Variants in MTFMT observed in about 807,000 individuals in gnomAD.
MTFMT encodes the protein mitochondrial methionyl-tRNA formyltransferase.
MTFMT carries 47 observed loss-of-function variants against 51.8 expected under a neutral mutation model. The ratio of observed to expected loss-of-function variants is 0.91; its 90% confidence interval spans 0.72 to 1.16. The LOEUF is 1.16. Ranked by LOEUF, MTFMT falls within the 50% of genes most tolerant of loss-of-function variation. The pLI, the probability that MTFMT is intolerant of heterozygous loss-of-function variation, is 0.00. For missense variants in MTFMT, 512 were observed against 482.3 expected, an observed-to-expected ratio of 1.06 and a Z score of -0.58; for synonymous variants, 196 against 176.7, an observed-to-expected ratio of 1.11 and a Z score of -0.87.
chr15:65,020,990 T>G (rs1043354410), intron 4 of MTFMT, among the ~76,000 whole-genome samples: 1 of 152,230 alleles, frequency 6.6e-6, no homozygotes, highest in African/African-American at 2.4e-5. Flanking sequence ...CCCGTTCATA[T>G]GGAAAACATA....
intron 6 of MTFMT, among the ~76,000 whole-genome samples, chr15:65,009,674 A>T (rs1482587973): frequency 1.0e-5 from 1 of 99,252 alleles, no homozygotes; most frequent in Non-Finnish European, 2.0e-5. Flanking sequence ...TTTTTTAAAG[A>T]CCGGATCTTG....
Position 65,020,182 on chromosome 15 carries a change from G to A in MTFMT, c.721+15C>T. On this transcript the variant is annotated intron_variant, in intron 5 of 8. Coordinates refer to ENST00000220058, the MANE Select transcript of MTFMT (RefSeq NM_139242.4). ...AACCTTTAGAAAGATGAGAGTCTCT[G>A]CAGCCTTCACTCACCGTAAGTCGCC... The A allele has an allele frequency of 3.1e-6, 5 of 1,607,346 alleles. No homozygotes were observed. The highest frequency in any genetic ancestry group is 3.4e-6 in the Non-Finnish European group (4 of 1,176,720).
At chr15:65,014,188 C>T (rs1247928112) in intron 6 of MTFMT, among the ~76,000 whole-genome samples, 1 of 152,130 alleles carries the variant, frequency 6.6e-6, no homozygotes, top group East Asian at 1.9e-4. Context: ...GCATGGCTGG[C>T]TCCTTATTGT....
At chr15:65,005,813 A>C (rs1880612165) in intron 7 of MTFMT, among the ~76,000 whole-genome samples, 1 of 152,092 alleles carries the variant, frequency 6.6e-6, no homozygotes, top group Non-Finnish European at 1.5e-5. Context: ...TCACCATGTC[A>C]GTCAGGCTAG....
At position 65,002,328 on chromosome 15, in the gene MTFMT, G is replaced by C. The variant is rs950959851; in HGVS notation, c.*734C>G. The stretch of plus-strand genomic sequence containing the variant: ...TGAGGCAGGAGAATGGTGTGAACCC[G>C]GGAGGTGGAGCTTGCAGTGAGCTGA... On this transcript the variant is annotated 3_prime_UTR_variant, in exon 9 of 9. Coordinates refer to ENST00000220058, the MANE Select transcript of MTFMT (RefSeq NM_139242.4). The C allele has an allele frequency of 1.3e-5, 2 of 151,950 alleles. No individual in the cohort carries two copies. The highest frequency in any genetic ancestry group is 2.9e-5 in the Non-Finnish European group (2 of 67,992). 9.4% of individuals were successfully genotyped at this position (151,950 alleles called of 1,614,324 possible). A position where few individuals can be genotyped will look rare whatever the true frequency, so the allele number is the denominator to read the frequency against.
chr15:65,014,745 A>G (rs945533602), intron 6 of MTFMT, among the ~76,000 whole-genome samples: 2 of 150,072 alleles, frequency 1.3e-5, no homozygotes, highest in Non-Finnish European at 2.9e-5. Context: ...TTCTTGCCTC[A>G]GCCTTTCTAG....
intron 2 of MTFMT, 56 bp downstream of exon 2, chr15:65,026,775 G>T (rs1385557515): frequency 4.6e-6 from 6 of 1,296,806 alleles, no homozygotes; most frequent in Non-Finnish European, 5.4e-6. Flanking sequence ...TATATACAAG[G>T]TCCATTTATA....
chr15:65,023,041 CTT>C (rs200417323), intron 3 of MTFMT, among the ~76,000 whole-genome samples: 1,956 of 152,240 alleles, frequency 0.013, 46 homozygotes, highest in African/African-American at 0.043. Flanking sequence ...TACTCTCTCT[CTT>C]GTTTTCTGAA....
chr15:65,001,878 A>T lies in MTFMT; in HGVS notation c.*1184T>A, dbSNP rs2086179122. ...GACCCCATCTCTAAAAAAATTAATA[A>T]AAAAAAATAAAATCTGGATGTAAAA... On this transcript the variant is annotated 3_prime_UTR_variant, in exon 9 of 9. Transcript: ENST00000220058. 6.6e-6 allele frequency: 1 copy of T among 151,876 alleles called. No homozygotes were observed. Among genetic ancestry groups the T allele is most frequent in the Non-Finnish European group, 1.5e-5 (1 of 67,988 alleles). The allele number at this position is 151,876 out of a possible 1,614,324, so 9.4% of individuals were successfully genotyped here. A position where few individuals can be genotyped will look rare whatever the true frequency, so the allele number is the denominator to read the frequency against.
rs139239820 is a variant in MTFMT, at chr15:65,012,719, C to T, written c.813+3717G>A. ...CTGGCTTATTTCTAGACCCTTAATT[C>T]GATTCTAATGAGCTATAGCCAGTAC... On this transcript the variant is annotated intron_variant, in intron 6 of 8. Transcript: ENST00000220058. Among the ~76,000 whole-genome samples, 24 of 152,158 alleles carry T rather than the reference C, an allele frequency of 1.6e-4. 1 individual carries two copies. The highest frequency in any genetic ancestry group is 2.1e-4 in the Non-Finnish European group (14 of 68,002).
In MTFMT at chr15:65,003,275, AT is replaced by A. The variant is rs762285215; in HGVS notation, c.976-20del. The A allele has an allele frequency of 3.6e-5, 57 of 1,598,806 alleles. No homozygotes were observed. The highest frequency in any genetic ancestry group is 4.7e-5 in the Non-Finnish European group (55 of 1,169,598). On this transcript the variant is annotated intron_variant, in intron 8 of 8. Coordinates refer to ENST00000220058, the MANE Select transcript of MTFMT (RefSeq NM_139242.4). Reference sequence around the variant, plus strand: ...AACCATCCTAAAGGGCAAAATACAAATAGTGAATAGGCAGGGGTGGCAAAAC... The same window carrying A: ...AACCATCCTAAAGGGCAAAATACAAAAGTGAATAGGCAGGGGTGGCAAAAC...
chr15:65,003,280 G>C, intron 8 of MTFMT, 24 bp from the exon 9 acceptor site: 1 of 1,587,124 alleles, frequency 6.3e-7, no homozygotes, highest in Non-Finnish European at 8.6e-7. Context: ...TACAAATAGT[G>C]AATAGGCAGG....
rs762231142 is a variant in MTFMT at position 65,023,671 on chromosome 15, C to A, written c.542+1G>T. 7.4e-6 allele frequency: 12 copies of A among 1,612,734 alleles called. No homozygotes were observed. ...TCTCAAGAAAGGAAAATATGTGCTACCTTTTAGGTCTAATTTGCATAATTG... is the reference window on the plus strand; with the variant it reads ...TCTCAAGAAAGGAAAATATGTGCTAACTTTTAGGTCTAATTTGCATAATTG... On this transcript the variant is annotated splice_donor_variant, in intron 3 of 8. Coordinates refer to ENST00000220058, the MANE Select transcript of MTFMT (RefSeq NM_139242.4). LOFTEE classifies it high-confidence loss of function.
intron 3 of MTFMT, among the ~76,000 whole-genome samples, chr15:65,022,801 G>A (rs1447100841): frequency 6.6e-6 from 1 of 150,994 alleles, no homozygotes; most frequent in Non-Finnish European, 1.5e-5. Context: ...CAACCTCCTA[G>A]GCTGAAGAGA....
In MTFMT at chr15:65,002,052, T is replaced by C. The variant is rs1447131212; in HGVS notation, c.*1010A>G. 6.6e-6 allele frequency: 1 copy of C among 152,036 alleles called. No homozygotes were observed. The highest frequency in any genetic ancestry group is 1.5e-5 in the Non-Finnish European group (1 of 68,012). The allele number at this position is 152,036 out of a possible 1,614,324, so 9.4% of individuals were successfully genotyped here. On this transcript the variant is annotated 3_prime_UTR_variant, in exon 9 of 9. Coordinates refer to ENST00000220058, the MANE Select transcript of MTFMT (RefSeq NM_139242.4). ...AAATGCAGATTCAATACTCCTAAAA[T>C]GTCAGTGGTGACACGATTTTTAAAA...
In MTFMT at chr15:65,029,604, A is replaced by T. The variant is rs766734981; in HGVS notation, c.10T>A (p.Leu4Met). 2 of 1,379,532 alleles carry T rather than the reference A, an allele frequency of 1.4e-6. No individual in the cohort carries two copies. The highest frequency in any genetic ancestry group is 1.9e-6 in the Non-Finnish European group (2 of 1,057,498). 85.5% of individuals were successfully genotyped at this position (1,379,532 alleles called of 1,614,324 possible). The change falls in exon 1 of 9, where the codon TTG becomes ATG. Residue 4 changes from leucine to methionine, a missense_variant. Leu to Met is a conservative substitution (Grantham distance 15). Coordinates refer to ENST00000220058, the MANE Select transcript of MTFMT (RefSeq NM_139242.4). ...GGAGGACCCCAACAGCGCCGCACCA[A>T]CACCCTCATCGCCTCGGCCGCCGGC... is the stretch of plus-strand genomic sequence containing the variant. MRV[L>M]VRRCWGPPLA...
chr15:65,028,461 G>C (rs1191880102), intron 1 of MTFMT, among the ~76,000 whole-genome samples: 1 of 152,154 alleles, frequency 6.6e-6, no homozygotes, highest in Non-Finnish European at 1.5e-5. Context: ...AATGCAGTGA[G>C]AGACGCATGT....
intron 7 of MTFMT, 120 bp from the exon 8 acceptor site, chr15:65,005,056 T>G: frequency 1.5e-6 from 1 of 667,552 alleles, no homozygotes; most frequent in Non-Finnish European, 2.6e-6. Context: ...GAGAACACAT[T>G]TGCTGATGTT....
At chr15:65,025,399 A>G (rs529509889) in intron 2 of MTFMT, among the ~76,000 whole-genome samples, 2 of 145,152 alleles carry the variant, frequency 1.4e-5, no homozygotes, top group South Asian at 2.1e-4. Flanking sequence ...TCTCTAAATT[A>G]AACAATAAAA....
Sources: gnomAD v4.1 joint callset for allele counts (sites outside exome capture counted in the v4.1 genomes callset) on GRCh38, gnomAD v4.1.1 for gene constraint, MANE v1.5 for transcripts, NCBI Gene and HGNC (gene_info 2026-07-23, HGNC 2026-07-21) for gene names.